PSMD1: variants seen among roughly 807,000 people sequenced by gnomAD.
PSMD1 encodes proteasome 26S subunit, non-ATPase 1.
A neutral mutation model predicts 119.0 loss-of-function variants in PSMD1; 18 were observed. The observed-to-expected ratio is 0.15, with a 90% CI of 0.10 to 0.22. The LOEUF is 0.22. PSMD1 is among the 10% of genes least tolerant of loss of function. The probability of loss-of-function intolerance (pLI) is 1.00; values close to 1 mark genes in which losing one functional copy is unlikely to be tolerated. For missense variants in PSMD1, 702 were observed against 1,158.5 expected, an observed-to-expected ratio of 0.61 and a Z score of 5.72; for synonymous variants, 374 against 396.6, an observed-to-expected ratio of 0.94 and a Z score of 0.68.
At chr2:231,062,442 A>G in intron 3 of PSMD1, 64 bp from the exon 4 acceptor site, 1 of 1,534,892 alleles carries the variant, frequency 6.5e-7, no homozygotes, top group Non-Finnish European at 8.8e-7. Flanking sequence ...TTGAATATTT[A>G]GATTTGGGAT....
rs1405857820 is a variant in PSMD1 at position 231,165,211 on chromosome 2, T to C, written c.2493T>C (p.Ala831=). ...GCTCATTTCCCCAGGTTTCTACTGC[T>C]GTATTATCTATAACTGCCAAGGCTA... ...KEKEKEKVST[A]VLSITAKAKK... The change falls in exon 22 of 25, where the codon GCT becomes GCC. Residue 831 remains alanine, a synonymous_variant. Transcript: ENST00000308696. 2 of 1,605,856 alleles carry C rather than the reference T, an allele frequency of 1.2e-6. No homozygotes were observed. Among genetic ancestry groups the C allele is most frequent in the Non-Finnish European group, 8.5e-7 (1 of 1,175,332 alleles).
chr2:231,123,111 A>T (rs1363801671), intron 16 of PSMD1, among the ~76,000 whole-genome samples: 1 of 152,208 alleles, frequency 6.6e-6, no homozygotes, highest in African/African-American at 2.4e-5. Context: ...CCTATTTACT[A>T]TAATTTATAG....
intron 16 of PSMD1, among the ~76,000 whole-genome samples, chr2:231,127,475 C>T (rs530425812): frequency 9.2e-5 from 14 of 152,276 alleles, no homozygotes; most frequent in African/African-American, 3.4e-4. Flanking sequence ...CTGTCTCAGC[C>T]TCCCAAGTAG....
At chr2:231,137,031 CATAT>C (rs1695985560) in intron 16 of PSMD1, among the ~76,000 whole-genome samples, 2 of 134,298 alleles carry the variant, frequency 1.5e-5, no homozygotes, top group South Asian at 4.8e-4. Context: ...ATTTATGTAC[CATAT>C]ATAATTATAT....
chr2:231,147,545 G>A (rs1238366525), intron 18 of PSMD1, among the ~76,000 whole-genome samples: 1 of 152,154 alleles, frequency 6.6e-6, no homozygotes, highest in Non-Finnish European at 1.5e-5. Context: ...TCCTCAGGTT[G>A]TTAGTGTTTG....
At chr2:231,113,920 C>T in intron 16 of PSMD1, 3 of 1,613,752 alleles carry the variant, frequency 1.9e-6, no homozygotes, top group Non-Finnish European at 2.5e-6. Flanking sequence ...TGGGAGGGGC[C>T]ACATAGCCTC....
intron 16 of PSMD1, among the ~76,000 whole-genome samples, chr2:231,127,222 C>T (rs988021135): frequency 6.8e-6 from 1 of 147,220 alleles, no homozygotes; most frequent in Non-Finnish European, 1.5e-5. Context: ...AAAAGGTGGA[C>T]AAGCACTTTG....
intron 4 of PSMD1, among the ~76,000 whole-genome samples, chr2:231,064,229 G>A (rs1197486268): frequency 6.6e-6 from 1 of 152,190 alleles, no homozygotes; most frequent in Non-Finnish European, 1.5e-5. Context: ...TAAGATGTCA[G>A]TGAGATTCAT....
At chr2:231,087,245 A>G (rs1694475472) in intron 16 of PSMD1, 64 bp downstream of exon 16, 1 of 1,350,706 alleles carries the variant, frequency 7.4e-7, no homozygotes, top group Non-Finnish European at 1.0e-6. Flanking sequence ...AGTAGTCACT[A>G]CCGAAACTAC....
At chr2:231,058,079 G>A (rs564486716) in intron 1 of PSMD1, among the ~76,000 whole-genome samples, 33 of 152,328 alleles carry the variant, frequency 2.2e-4, no homozygotes, top group Admixed American at 1.6e-3. Flanking sequence ...CATTTGAAGA[G>A]CTGTCACTTG....
chr2:231,087,474 G>A (rs903129534), intron 16 of PSMD1, among the ~76,000 whole-genome samples: 1 of 152,114 alleles, frequency 6.6e-6, no homozygotes, highest in African/African-American at 2.4e-5. Flanking sequence ...AACACATCCA[G>A]TACTCCTCTT....
chr2:231,067,627 C>CCCT (rs1693939473), intron 5 of PSMD1, among the ~76,000 whole-genome samples: 1 of 152,088 alleles, frequency 6.6e-6, no homozygotes, highest in South Asian at 2.1e-4. Context: ...GCCTCGTTCC[C>CCCT]CCTTCCAAAA....
intron 19 of PSMD1, among the ~76,000 whole-genome samples, chr2:231,154,393 C>T (rs1363071180): frequency 6.6e-6 from 1 of 152,186 alleles, no homozygotes; most frequent in Non-Finnish European, 1.5e-5. Context: ...GAGATTGCTC[C>T]ACTGCACTCC....
chr2:231,127,738 A>T (rs1695760822), intron 16 of PSMD1, among the ~76,000 whole-genome samples: 1 of 152,264 alleles, frequency 6.6e-6, no homozygotes, highest in African/African-American at 2.4e-5. Flanking sequence ...GATCATGTTC[A>T]TTCAGCAAAT....
At chr2:231,159,196 C>T (rs1696577286) in intron 19 of PSMD1, among the ~76,000 whole-genome samples, 2 of 152,070 alleles carry the variant, frequency 1.3e-5, no homozygotes, top group African/African-American at 4.8e-5. Flanking sequence ...CAGACAAGCC[C>T]CATTTTTATA....
At position 231,163,689 on chromosome 2, in the gene PSMD1, G is replaced by GC; in HGVS notation, c.2447dup (p.Leu817SerfsTer24). On this transcript the variant is annotated frameshift_variant, in exon 21 of 25. Coordinates refer to ENST00000308696, the MANE Select transcript of PSMD1 (RefSeq NM_002807.4). LOFTEE classifies it high-confidence loss of function. ...TAAACCATCCACATTTGCATATCCT[G>GC]CCCCTCTGGAAGTACCAAAAGAAAA... 1 of 1,612,936 alleles carries GC rather than the reference G, an allele frequency of 6.2e-7. No individual in the cohort carries two copies. The highest frequency in any genetic ancestry group is 8.5e-7 in the Non-Finnish European group (1 of 1,179,164).
Position 231,076,946 on chromosome 2 carries a change from G to A in PSMD1, c.943-88G>A, listed in dbSNP as rs576543094. The A allele has an allele frequency of 2.9e-5, 35 of 1,210,838 alleles. No homozygotes were observed. The South Asian group carries it at 4.8e-4, about 17-fold the overall frequency. 75.0% of individuals were successfully genotyped at this position (1,210,838 alleles called of 1,614,324 possible). ...CTCTTAAAATGGACTGAATTTCACT[G>A]GTTTAGGACTGATGAAATAAAATTG... On this transcript the variant is annotated intron_variant, in intron 8 of 24. Transcript: ENST00000308696.
intron 16 of PSMD1, chr2:231,109,420 G>A: frequency 6.2e-7 from 1 of 1,612,138 alleles, no homozygotes; most frequent in Non-Finnish European, 8.5e-7. Context: ...CTAAGGAAGA[G>A]GAAAACAAGA....
intron 16 of PSMD1, among the ~76,000 whole-genome samples, chr2:231,090,729 TAGA>T: frequency 6.6e-6 from 1 of 152,298 alleles, no homozygotes; most frequent in Middle Eastern, 3.4e-3. Context: ...AGCAGCAGTC[TAGA>T]AGAAGTTGAT....
Sources: allele counts gnomAD v4.1 joint callset (sites outside exome capture counted in the v4.1 genomes callset), GRCh38; gene constraint gnomAD v4.1.1; transcripts MANE v1.5; gene names NCBI Gene and HGNC (gene_info 2026-07-23, HGNC 2026-07-21).